KIAA0232: variants seen among roughly 807,000 people sequenced by gnomAD.
KIAA0232 encodes KIAA0232.
In KIAA0232, 27 loss-of-function variants were observed where a neutral mutation model predicts 122.0. The ratio of observed to expected loss-of-function variants is 0.22; its 90% CI spans 0.16 to 0.31. KIAA0232 has a LOEUF of 0.31. Among genes scored for constraint, KIAA0232 ranks in the 10% least tolerant of loss-of-function variants. The pLI is 1.00. For missense variants in KIAA0232, 1,551 were observed against 1,634.2 expected, an observed-to-expected ratio of 0.95 and a Z score of 0.88; for synonymous variants, 613 against 587.6, an observed-to-expected ratio of 1.04 and a Z score of -0.63.
chr4:6,817,874 C>T (rs921226036), intron 2 of KIAA0232, among the ~76,000 whole-genome samples: 14 of 152,110 alleles, frequency 9.2e-5, no homozygotes, highest in African/African-American at 2.9e-4. Context: ...ATATAAAGGA[C>T]TGGTATGGCC....
At chr4:6,786,811 A>G (rs540371525) in intron 1 of KIAA0232, among the ~76,000 whole-genome samples, 2 of 152,338 alleles carry the variant, frequency 1.3e-5, no homozygotes, top group South Asian at 4.1e-4. Context: ...AATGAAATAG[A>G]TGAAGTGCCT....
chr4:6,873,735 T>G (rs1161990594), intron 8 of KIAA0232, among the ~76,000 whole-genome samples: 1 of 152,206 alleles, frequency 6.6e-6, no homozygotes. Flanking sequence ...TGAAGTGGTA[T>G]ATAGAGAAAC....
chr4:6,784,618 T>A (rs1230182941), intron 1 of KIAA0232, among the ~76,000 whole-genome samples: 1 of 152,220 alleles, frequency 6.6e-6, no homozygotes, highest in Non-Finnish European at 1.5e-5. Flanking sequence ...TCACTTAATA[T>A]ATCTTATAAC....
chr4:6,819,938 G>A (rs1482310496), intron 2 of KIAA0232, among the ~76,000 whole-genome samples: 1 of 152,144 alleles, frequency 6.6e-6, no homozygotes, highest in Non-Finnish European at 1.5e-5. Context: ...ATGAAACCAT[G>A]TCCTTTGCAG....
At chr4:6,824,039 A>G (rs1195736503) in intron 2 of KIAA0232, 146 bp from the exon 3 acceptor site, 1 of 357,612 alleles carries the variant, frequency 2.8e-6, no homozygotes, top group Non-Finnish European at 5.0e-6. Context: ...AAAATATCAA[A>G]GATGATGGGG....
chr4:6,860,494 T>C (rs1404518618), intron 6 of KIAA0232, among the ~76,000 whole-genome samples: 1 of 152,240 alleles, frequency 6.6e-6, no homozygotes, highest in Non-Finnish European at 1.5e-5. Flanking sequence ...GGAAATAGTC[T>C]GAAGCAGTAA....
At chr4:6,879,816 T>G (rs531130934) in intron 9 of KIAA0232, among the ~76,000 whole-genome samples, 1 of 99,968 alleles carries the variant, frequency 1.0e-5, no homozygotes, top group East Asian at 2.4e-4. Flanking sequence ...AACACACCCA[T>G]CTGCAGTGCC....
chr4:6,866,274 G>T, intron 7 of KIAA0232: 1 of 967,922 alleles, frequency 1.0e-6, no homozygotes, highest in African/African-American at 1.8e-5. Context: ...GTATGTTGAT[G>T]TATTTATGTG....
At chr4:6,834,140 G>T (rs536682349) in intron 3 of KIAA0232, among the ~76,000 whole-genome samples, 6 of 152,248 alleles carry the variant, frequency 3.9e-5, no homozygotes, top group Admixed American at 3.3e-4. Flanking sequence ...CGCCCAGGCT[G>T]GAGTGCAGTG....
intron 1 of KIAA0232, among the ~76,000 whole-genome samples, chr4:6,791,901 G>T (rs540250010): frequency 1.3e-5 from 2 of 152,266 alleles, no homozygotes; most frequent in East Asian, 3.9e-4. Flanking sequence ...GGAGGTGATT[G>T]AATCATGGGG....
chr4:6,818,938 C>T (rs751568867), intron 2 of KIAA0232, among the ~76,000 whole-genome samples: 19 of 152,024 alleles, frequency 1.2e-4, no homozygotes, highest in Non-Finnish European at 1.9e-4. Flanking sequence ...CTGTAGCCAT[C>T]GAATCTTCAA....
In KIAA0232 at chr4:6,864,018, A is replaced by G. The variant is rs369963316; in HGVS notation, c.3636A>G (p.Glu1212=). 2.1e-4 allele frequency: 342 copies of G among 1,614,210 alleles called. 3 individuals are homozygous for G. In the African/African-American group the frequency reaches 4.0e-3, roughly 19 times the overall value. The change falls in exon 7 of 10, where the codon GAA becomes GAG. Residue 1212 remains glutamate, a synonymous_variant. Coordinates refer to ENST00000307659, the MANE Select transcript of KIAA0232 (RefSeq NM_014743.3). ...TAGGAAAGCAAAATCAGTGTTTGGA[A>G]TGTAGCATGAATGAATCCCTGGAAA... ...LSVGKQNQCL[E]CSMNESLEID... is the part of the protein sequence containing the mutation.
At chr4:6,858,385 G>C in intron 5 of KIAA0232, 40 bp from the exon 6 acceptor site, 1 of 1,221,372 alleles carries the variant, frequency 8.2e-7, no homozygotes, top group Non-Finnish European at 1.2e-6. Flanking sequence ...TTATTAACTA[G>C]ATATAAGACA....
intron 2 of KIAA0232, among the ~76,000 whole-genome samples, chr4:6,815,045 T>A (rs1429482063): frequency 6.8e-6 from 1 of 147,428 alleles, no homozygotes; most frequent in African/African-American, 2.5e-5. Context: ...AAGGGAACGT[T>A]AAAAAAAAAA....
rs754991049 is a variant in KIAA0232 at position 6,862,481 on chromosome 4, A to G, written c.2099A>G (p.Asn700Ser). The stretch of plus-strand genomic sequence containing the variant: ...ACCAAAAATAGTGCCTTTGAAGAAA[A>G]TGAACACTGTTCTAATCTTTCAACA... The part of the protein sequence containing the change: ...IWTKNSAFEE[N>S]EHCSNLSTRT... The change falls in exon 7 of 10, where the codon AAT becomes AGT. Residue 700 changes from asparagine (N) to serine (S), a missense_variant. Asn to Ser is a conservative substitution (Grantham distance 46). Coordinates refer to ENST00000307659, the MANE Select transcript of KIAA0232 (RefSeq NM_014743.3). The G allele has an allele frequency of 8.1e-6, 13 of 1,614,074 alleles. No homozygotes were observed. In the East Asian group the frequency reaches 2.2e-4, roughly 28 times the overall value.
At chr4:6,870,586 T>C (rs1243005931) in intron 7 of KIAA0232, among the ~76,000 whole-genome samples, 8 of 152,170 alleles carry the variant, frequency 5.3e-5, no homozygotes, top group African/African-American at 1.9e-4. Context: ...GCAGATCACC[T>C]GAGGTCACAA....
chr4:6,787,678 C>G (rs926565571), intron 1 of KIAA0232, among the ~76,000 whole-genome samples: 2 of 152,216 alleles, frequency 1.3e-5, no homozygotes, highest in African/African-American at 4.8e-5. Flanking sequence ...CCCTGAAGCT[C>G]TTACTCCTTA....
At chr4:6,846,369 C>T (rs1268105039) in intron 4 of KIAA0232, among the ~76,000 whole-genome samples, 1 of 152,176 alleles carries the variant, frequency 6.6e-6, no homozygotes, top group Non-Finnish European at 1.5e-5. Flanking sequence ...CTGGGCTGCA[C>T]AGCAGGAGGT....
In KIAA0232 at chr4:6,837,153, C is replaced by T. The variant is rs535565465; in HGVS notation, c.232-4914C>T. 2.3e-4 allele frequency among the ~76,000 whole-genome samples: 35 copies of T among 150,838 alleles called. No homozygotes were observed. In the South Asian group the frequency reaches 6.5e-3, roughly 28 times the overall value. The stretch of plus-strand genomic sequence containing the variant: ...CGGGGGCTGCCCCCCACCTCCCGAA[C>T]GGGCCGGCTGGCGGGGCGGAGGGGC... On this transcript the variant is annotated intron_variant, in intron 3 of 9. Coordinates refer to ENST00000307659, the MANE Select transcript of KIAA0232 (RefSeq NM_014743.3).
Sources: gnomAD v4.1 joint callset for allele counts (sites outside exome capture counted in the v4.1 genomes callset) on GRCh38, gnomAD v4.1.1 for gene constraint, MANE v1.5 for transcripts, NCBI Gene and HGNC (gene_info 2026-07-23, HGNC 2026-07-21) for gene names.